TICRR: variants seen among roughly 807,000 people sequenced by gnomAD.
TICRR encodes TOPBP1 interacting checkpoint and replication regulator, also known as treslin.
Under a neutral mutation model 178.1 loss-of-function variants are expected in TICRR, and 132 were observed. The ratio of observed to expected loss-of-function variants is 0.74; its 90% CI spans 0.64 to 0.86. The LOEUF (loss-of-function observed/expected upper bound fraction) is 0.86, where lower values mean the gene tolerates loss of function less well. TICRR is among the 40% of genes least tolerant of loss of function. The pLI, the probability that TICRR is intolerant of heterozygous loss-of-function variation, is 0.00. For missense variants in TICRR, 2,587 were observed against 2,334.3 expected (o/e 1.11, Z -2.23); for synonymous variants, 991 against 900.7 (o/e 1.10, Z -1.79).
chr15:89,575,510 C>A lies in TICRR; in HGVS notation c.-77C>A, dbSNP rs1962592622. ...TCCCAAAGGAAAGCAGTGAGTGGTG[C>A]TGTTTCCCTGAAGGAAGGGACTAAG... On this transcript the variant is annotated 5_prime_UTR_variant, in exon 1 of 22. In the 5' UTR this introduces an upstream ATG that the reference lacks. Transcript: ENST00000268138. 3.0e-6 allele frequency: 4 copies of A among 1,342,280 alleles called. No individual in the cohort carries two copies. In the Admixed American group the frequency reaches 9.4e-5, roughly 32 times the overall value. 83.1% of individuals were successfully genotyped at this position (1,342,280 alleles called of 1,614,324 possible). A position where few individuals can be genotyped will look rare whatever the true frequency, so the allele number is the denominator to read the frequency against.
At chr15:89,612,285 C>A (rs1382110992) in intron 15 of TICRR, among the ~76,000 whole-genome samples, 1 of 152,056 alleles carries the variant, frequency 6.6e-6, no homozygotes, top group Admixed American at 6.6e-5. Context: ...CCTTAAATGT[C>A]TGATTCAAGA....
chr15:89,579,976 A>G (rs1962695246), intron 1 of TICRR: 1 of 152,134 alleles, frequency 6.6e-6, no homozygotes, highest in South Asian at 2.1e-4. Flanking sequence ...ATTACCTTTA[A>G]TAGAAACTTA....
intron 15 of TICRR, among the ~76,000 whole-genome samples, chr15:89,616,059 A>T (rs1429574176): frequency 6.6e-6 from 1 of 151,956 alleles, no homozygotes; most frequent in Non-Finnish European, 1.5e-5. Flanking sequence ...TAATTTTTGT[A>T]TGTTTAGTAG....
At chr15:89,609,578 G>A (rs564455849) in intron 15 of TICRR, among the ~76,000 whole-genome samples, 155 of 152,092 alleles carry the variant, frequency 1.0e-3, no homozygotes, top group African/African-American at 3.4e-3. Context: ...AGGTTCAAGC[G>A]CTTCTCCTAC....
chr15:89,615,753 A>T (rs1484276383), intron 15 of TICRR, among the ~76,000 whole-genome samples: 3 of 152,212 alleles, frequency 2.0e-5, no homozygotes, highest in Admixed American at 2.0e-4. Flanking sequence ...ATTAACATTT[A>T]TGTGGCATAT....
Position 89,599,361 on chromosome 15 carries a change from T to G in TICRR, c.1938T>G (p.Arg646=). 1 of 1,613,016 alleles carries G rather than the reference T, an allele frequency of 6.2e-7. No individual in the cohort carries two copies. The highest frequency in any genetic ancestry group is 8.5e-7 in the Non-Finnish European group (1 of 1,179,588). The change falls in exon 8 of 22, where the codon CGT becomes CGG. Residue 646 remains arginine, a synonymous_variant. Coordinates refer to ENST00000268138, the MANE Select transcript of TICRR (RefSeq NM_152259.4). ...KTEEELLSYI[R]ENYQKTVATG... ...AGGAAGAGCTGCTATCATATATACG[T>G]GAAAATTACCAAAAGACTGTGGCCA...
In TICRR at chr15:89,624,777, G is replaced by A. The variant is rs1423498450; in HGVS notation, c.4467G>A (p.Glu1489=). 6.2e-7 allele frequency: 1 copy of A among 1,614,070 alleles called. No homozygotes were observed. The highest frequency in any genetic ancestry group is 1.3e-5 in the African/African-American group (1 of 74,934). ...KSNVLSVEEG[E]GLRTADAEKS... ...ACGTCTTATCAGTGGAAGAGGGTGAGGGGCTAAGGACAGCAGATGCTGAGA... is the reference window on the plus strand; with the variant it reads ...ACGTCTTATCAGTGGAAGAGGGTGAAGGGCTAAGGACAGCAGATGCTGAGA... Residue 1489 remains glutamate, a synonymous_variant, in exon 20 of 22, where the codon GAG becomes GAA. Coordinates refer to ENST00000268138, the MANE Select transcript of TICRR (RefSeq NM_152259.4).
At chr15:89,576,697 C>A (rs1962620590) in intron 1 of TICRR, among the ~76,000 whole-genome samples, 1 of 151,830 alleles carries the variant, frequency 6.6e-6, no homozygotes, top group Admixed American at 6.6e-5. Context: ...TTGTGTGGCA[C>A]TTAACCATTT....
rs1567042472 is a variant in TICRR, at chr15:89,592,083, G to A, written c.1448G>A (p.Gly483Asp). The A allele has an allele frequency of 6.2e-6, 10 of 1,612,402 alleles. No individual in the cohort carries two copies. Among genetic ancestry groups the A allele is most frequent in the African/African-American group, 4.0e-5 (3 of 75,006 alleles). Residue 483 changes from glycine to aspartate, a missense_variant, in exon 5 of 22, where the codon GGC (glycine) becomes GAC (aspartate). Gly to Asp is a moderately conservative substitution (Grantham distance 94). Transcript: ENST00000268138. ...PVPEWAQQEL[G>D]HTTPWSPAVV... ...CCAGAGTGGGCCCAGCAGGAGCTTG[G>A]CCACACCACTCCCTGGAGTCCAGCT...
At position 89,585,711 on chromosome 15, in the gene TICRR, G is replaced by A. The variant is rs1350803513; in HGVS notation, c.1180G>A (p.Ala394Thr). Reference sequence around the variant, plus strand: ...CTAATTAGGGCTTCTCACGTAGGTTGCTGATGTGGACCCTGGTGAAGGCCG... The same window carrying A: ...CTAATTAGGGCTTCTCACGTAGGTTACTGATGTGGACCCTGGTGAAGGCCG... Reference protein sequence around the residue: ...RLTAEELHLVADVDPGEGRPP... With the variant: ...RLTAEELHLVTDVDPGEGRPP... Residue 394 changes from alanine (A) to threonine (T), a missense_variant, in exon 4 of 22, where the codon GCT becomes ACT. Transcript: ENST00000268138. 6.2e-7 allele frequency: 1 copy of A among 1,612,228 alleles called. No individual in the cohort carries two copies. The highest frequency in any genetic ancestry group is 8.5e-7 in the Non-Finnish European group (1 of 1,178,308).
rs774959794 is a variant in TICRR, at chr15:89,626,983, C to T, written c.5630C>T (p.Thr1877Ile). The change falls in exon 22 of 22, where the codon ACT becomes ATT. Residue 1877 changes from threonine to isoleucine, a missense_variant. Thr to Ile is a moderately conservative substitution (Grantham distance 89, BLOSUM62 -1). Coordinates refer to ENST00000268138, the MANE Select transcript of TICRR (RefSeq NM_152259.4). ...GAGGATGTGGATGTTCTTCCCTCCACTGTAGAAGACTCTCCTTTCAGTCGC... is the reference window on the plus strand; with the variant it reads ...GAGGATGTGGATGTTCTTCCCTCCATTGTAGAAGACTCTCCTTTCAGTCGC... ...RDEDVDVLPS[T>I]VEDSPFSRAF... 28 of 1,614,052 alleles carry T rather than the reference C, an allele frequency of 1.7e-5. No homozygotes were observed. The highest frequency in any genetic ancestry group is 2.3e-5 in the Non-Finnish European group (27 of 1,180,022).
intron 18 of TICRR, among the ~76,000 whole-genome samples, chr15:89,620,813 C>G (rs548614905): frequency 3.3e-5 from 5 of 152,074 alleles, no homozygotes; most frequent in African/African-American, 1.2e-4. Flanking sequence ...AGCTCTGCCT[C>G]CCGGGTTCAT....
intron 15 of TICRR, among the ~76,000 whole-genome samples, chr15:89,610,268 TTC>T (rs1963237117): frequency 6.6e-6 from 1 of 152,178 alleles, no homozygotes; most frequent in African/African-American, 2.4e-5. Flanking sequence ...CTTGTTGAGC[TTC>T]TGTTTTATTG....
intron 7 of TICRR, among the ~76,000 whole-genome samples, chr15:89,598,384 C>T (rs1317093640): frequency 2.7e-5 from 4 of 146,428 alleles, no homozygotes; most frequent in Admixed American, 6.8e-5. Context: ...TGTTTTGAGA[C>T]GGAGTTTCAC....
rs74342360 is a variant in TICRR at position 89,611,284 on chromosome 15, T to A, written c.2869+2335T>A. Among the ~76,000 whole-genome samples the A allele has an allele frequency of 4.3e-3, 655 of 152,102 alleles. 3 individuals carry two copies. Among genetic ancestry groups the A allele is most frequent in the African/African-American group, 0.015 (635 of 41,522 alleles). ...GGACATAGAATTTTTGGTTGACAAT[T>A]TTTTTTTCCCCCTTCAGGACTTCAA... On this transcript the variant is annotated intron_variant, in intron 15 of 21. Coordinates refer to ENST00000268138, the MANE Select transcript of TICRR (RefSeq NM_152259.4).
chr15:89,578,650 C>CTA, intron 1 of TICRR, among the ~76,000 whole-genome samples: 1 of 132,396 alleles, frequency 7.6e-6, no homozygotes, highest in African/African-American at 2.8e-5. Flanking sequence ...TCTTTAATCT[C>CTA]TCTCTCTCTT....
At position 89,625,753 on chromosome 15, in the gene TICRR, C is replaced by T; in HGVS notation, c.5443C>T (p.Pro1815Ser). Residue 1815 changes from proline (P) to serine (S), a missense_variant, in exon 20 of 22, where the codon CCC (proline) becomes TCC (serine). Coordinates refer to ENST00000268138, the MANE Select transcript of TICRR (RefSeq NM_152259.4). ...TCCAAGTTGGAGTGCATGGCAGCTA[C>T]CCTCCACGGGAGACGAAGAGGTGTT... is the stretch of plus-strand genomic sequence containing the variant. ...GSPSWSAWQL[P>S]STGDEEVFVS... 6.2e-7 allele frequency: 1 copy of T among 1,612,178 alleles called. No individual in the cohort carries two copies. The highest frequency in any genetic ancestry group is 8.5e-7 in the Non-Finnish European group (1 of 1,179,206).
chr15:89,616,321 A>G, intron 15 of TICRR, 84 bp from the exon 16 acceptor site: 1 of 1,085,922 alleles, frequency 9.2e-7, no homozygotes, highest in Non-Finnish European at 1.4e-6. Flanking sequence ...GCCATACAGA[A>G]GTTCAAACTG....
At chr15:89,595,673 T>C in intron 7 of TICRR, 62 bp downstream of exon 7, 1 of 1,261,370 alleles carries the variant, frequency 7.9e-7, no homozygotes, top group Non-Finnish European at 1.1e-6. Context: ...TAAAATTTAA[T>C]CGTACCCTTA....
Sources: gnomAD v4.1 joint callset for allele counts (sites outside exome capture counted in the v4.1 genomes callset) on GRCh38, gnomAD v4.1.1 for gene constraint, MANE v1.5 for transcripts, NCBI Gene and HGNC (gene_info 2026-07-23, HGNC 2026-07-21) for gene names.